The following STK32B variants were observed in gnomAD, a reference collection of about 807,000 sequenced individuals.
STK32B encodes serine/threonine-protein kinase 32B.
In STK32B, 43 loss-of-function variants were observed where a neutral mutation model predicts 52.6. The ratio of observed to expected loss-of-function variants is 0.82; its 90% CI spans 0.64 to 1.05. STK32B has a LOEUF of 1.05. STK32B is among the 50% of genes least tolerant of loss of function. The pLI, the probability that STK32B is intolerant of heterozygous loss-of-function variation, is 0.00. For missense variants in STK32B, 621 were observed against 534.6 expected (o/e 1.16, Z -1.59); for synonymous variants, 238 against 204.3 (o/e 1.17, Z -1.41).
intron 3 of STK32B, among the ~76,000 whole-genome samples, chr4:5,304,085 AC>A (rs556008807): frequency 1.2e-3 from 177 of 152,154 alleles, no homozygotes; most frequent in African/African-American, 4.1e-3. Flanking sequence ...CTGTGGCCTT[AC>A]AGTATAGTAT....
At chr4:5,034,147 C>T in the STK32B span, among the ~76,000 whole-genome samples, 1 of 152,254 alleles carries the variant, frequency 6.6e-6, no homozygotes, top group Non-Finnish European at 1.5e-5. Context: ...AACTCCATTT[C>T]ACCTAGCTGG....
At chr4:5,125,761 C>T (rs1715325987) in intron 1 of STK32B, among the ~76,000 whole-genome samples, 1 of 152,220 alleles carries the variant, frequency 6.6e-6, no homozygotes, top group Non-Finnish European at 1.5e-5. Context: ...CTTCCTCCTT[C>T]ACAGTGAAAA....
chr4:5,252,681 C>A (rs191226457), intron 3 of STK32B, among the ~76,000 whole-genome samples: 34 of 152,276 alleles, frequency 2.2e-4, no homozygotes, highest in African/African-American at 7.9e-4. Context: ...GGAGAAAGAT[C>A]CTGTGCTGTT....
intron 3 of STK32B, among the ~76,000 whole-genome samples, chr4:5,300,856 A>G (rs1234385593): frequency 2.6e-5 from 4 of 152,164 alleles, no homozygotes; most frequent in African/African-American, 4.8e-5. Flanking sequence ...TAAAATGTCC[A>G]TACTGCCCAA....
chr4:5,357,313 C>T (rs1227025150), intron 4 of STK32B, among the ~76,000 whole-genome samples: 2 of 122,844 alleles, frequency 1.6e-5, no homozygotes, highest in African/African-American at 3.6e-5. Context: ...CGGTCCCTTT[C>T]TTCAAAACCC....
chr4:5,159,469 C>T (rs914466730), intron 2 of STK32B, among the ~76,000 whole-genome samples: 6 of 140,304 alleles, frequency 4.3e-5, no homozygotes, highest in Non-Finnish European at 9.1e-5. Flanking sequence ...TATATACACA[C>T]ACACATATAT....
chr4:5,290,580 A>G (rs968748541), intron 3 of STK32B, among the ~76,000 whole-genome samples: 1 of 151,478 alleles, frequency 6.6e-6, no homozygotes, highest in Non-Finnish European at 1.5e-5. Flanking sequence ...ATTACACAGC[A>G]CGTGACTGCA....
At chr4:5,145,822 C>G (rs901005653) in intron 2 of STK32B, among the ~76,000 whole-genome samples, 11 of 152,098 alleles carry the variant, frequency 7.2e-5, no homozygotes, top group Non-Finnish European at 1.6e-4. Flanking sequence ...TGTTTTGATA[C>G]ATGAAAGTTT....
At chr4:5,237,169 CT>C (rs1724692842) in intron 3 of STK32B, among the ~76,000 whole-genome samples, 1 of 152,154 alleles carries the variant, frequency 6.6e-6, no homozygotes, top group Non-Finnish European at 1.5e-5. Context: ...CCTGAAAGTC[CT>C]GAAAAGGTTG....
intron 1 of STK32B, among the ~76,000 whole-genome samples, chr4:5,117,002 C>T (rs570558131): frequency 6.6e-6 from 1 of 152,246 alleles, no homozygotes; most frequent in Admixed American, 6.5e-5. Context: ...TTGTATCCTG[C>T]AACTTTACGG....
At chr4:5,245,107 G>C (rs964884638) in intron 3 of STK32B, among the ~76,000 whole-genome samples, 4 of 152,144 alleles carry the variant, frequency 2.6e-5, no homozygotes, top group Non-Finnish European at 5.9e-5. Flanking sequence ...GCAGAGCTGA[G>C]TTCAATTCCT....
chr4:5,116,602 A>G (rs1359865649), intron 1 of STK32B, among the ~76,000 whole-genome samples: 2 of 152,146 alleles, frequency 1.3e-5, no homozygotes, highest in Non-Finnish European at 2.9e-5. Context: ...TTCTTGTTCA[A>G]GGTTGCTTTA....
intron 3 of STK32B, among the ~76,000 whole-genome samples, chr4:5,205,707 TGTG>T (rs1722524846): frequency 1.4e-5 from 2 of 143,198 alleles, no homozygotes; most frequent in South Asian, 4.3e-4. Context: ...CGCGCGCGTG[TGTG>T]TGTGTGTGTG....
intron 7 of STK32B, among the ~76,000 whole-genome samples, chr4:5,449,212 G>A (rs991979302): frequency 3.3e-5 from 5 of 152,126 alleles, no homozygotes; most frequent in Admixed American, 6.5e-5. Context: ...GCATGGTGGC[G>A]GGTGCCTGTA....
At chr4:5,462,321 T>C (rs1717095817) in intron 9 of STK32B, among the ~76,000 whole-genome samples, 1 of 151,410 alleles carries the variant, frequency 6.6e-6, no homozygotes, top group African/African-American at 2.4e-5. Flanking sequence ...TGTCTGTGTG[T>C]CTGTATGTCT....
At chr4:5,256,920 C>T (rs1726341774) in intron 3 of STK32B, among the ~76,000 whole-genome samples, 1 of 152,156 alleles carries the variant, frequency 6.6e-6, no homozygotes, top group South Asian at 2.1e-4. Context: ...ACAACTAGCA[C>T]AGAGCAGGTA....
chr4:5,480,343 G>A (rs1718591169), intron 11 of STK32B, among the ~76,000 whole-genome samples: 1 of 152,090 alleles, frequency 6.6e-6, no homozygotes, highest in Non-Finnish European at 1.5e-5. Context: ...AGGTGGTCGG[G>A]GTACAGCTTG....
intron 3 of STK32B, among the ~76,000 whole-genome samples, chr4:5,174,810 T>G (rs968636711): frequency 2.0e-5 from 3 of 152,158 alleles, no homozygotes; most frequent in Admixed American, 6.5e-5. Flanking sequence ...GAGTATCTTT[T>G]TGGCATTCTC....
intron 3 of STK32B, among the ~76,000 whole-genome samples, chr4:5,207,304 G>C (rs1722633747): frequency 6.6e-6 from 1 of 152,356 alleles, no homozygotes; most frequent in Non-Finnish European, 1.5e-5. Flanking sequence ...GACGGACTCA[G>C]TGGGAGCTAA....
Sources: allele counts gnomAD v4.1 joint callset (sites outside exome capture counted in the v4.1 genomes callset), GRCh38; gene constraint gnomAD v4.1.1; transcripts MANE v1.5; gene names NCBI Gene and HGNC (gene_info 2026-07-23, HGNC 2026-07-21).